TSHZ2: variants seen among roughly 807,000 people sequenced by gnomAD.
TSHZ2 encodes teashirt zinc finger homeobox 2.
A neutral mutation model predicts 74.4 loss-of-function variants in TSHZ2; 21 were observed. The ratio of observed to expected loss-of-function variants is 0.28; its 90% CI spans 0.20 to 0.41. The LOEUF (loss-of-function observed/expected upper bound fraction) is 0.41. Ranked by LOEUF, TSHZ2 falls within the 10% of genes least tolerant of loss-of-function variation. TSHZ2 has a pLI of 1.00. For missense variants in TSHZ2, 1,244 were observed against 1,293.5 expected (o/e 0.96, Z 0.59); for synonymous variants, 540 against 515.3 (o/e 1.05, Z -0.65).
intron 1 of TSHZ2, among the ~76,000 whole-genome samples, chr20:53,025,371 T>C (rs1382132299): frequency 1.3e-5 from 2 of 152,202 alleles, no homozygotes; most frequent in Non-Finnish European, 2.9e-5. Flanking sequence ...TTATGTTTAG[T>C]GACTTCATTT....
chr20:52,977,442 ACAC>A (rs1981386653), intron 1 of TSHZ2, among the ~76,000 whole-genome samples: 2 of 134,278 alleles, frequency 1.5e-5, no homozygotes, highest in Non-Finnish European at 3.1e-5. Context: ...ACACACACAC[ACAC>A]ACACACACAC....
intron 1 of TSHZ2, 101 bp downstream of exon 1, chr20:52,973,434 C>T: frequency 6.8e-7 from 1 of 1,463,196 alleles, no homozygotes; most frequent in East Asian, 2.5e-5. Flanking sequence ...CTTAAGCTTT[C>T]GGGGGAGTTT....
At chr20:53,185,529 C>CTTGAAAATTG in intron 1 of TSHZ2, 1 of 1,417,032 alleles carries the variant, frequency 7.1e-7, no homozygotes, top group East Asian at 2.6e-5. Flanking sequence ...CAGGAGAATT[C>CTTGAAAATTG]CTTGAACTGG....
At chr20:53,339,952 G>T (rs981612094) in intron 2 of TSHZ2, among the ~76,000 whole-genome samples, 1 of 152,270 alleles carries the variant, frequency 6.6e-6, no homozygotes, top group East Asian at 1.9e-4. Context: ...ATGTGTGTCT[G>T]CTCAGGCCCA....
chr20:53,084,532 G>C (rs990388207), intron 1 of TSHZ2, among the ~76,000 whole-genome samples: 4 of 152,076 alleles, frequency 2.6e-5, no homozygotes, highest in African/African-American at 7.2e-5. Flanking sequence ...TTATAGGTGG[G>C]AATTTTTGAG....
chr20:53,460,778 C>G (rs1396304157), intron 2 of TSHZ2, among the ~76,000 whole-genome samples: 1 of 152,156 alleles, frequency 6.6e-6, no homozygotes, highest in African/African-American at 2.4e-5. Flanking sequence ...ACAGGACCCT[C>G]AGCCACAGGT....
intron 1 of TSHZ2, among the ~76,000 whole-genome samples, chr20:53,105,710 A>G (rs1568761550): frequency 6.6e-6 from 1 of 152,090 alleles, no homozygotes; most frequent in East Asian, 1.9e-4. Flanking sequence ...GCAGTGGTGC[A>G]ATCACACCCC....
Position 53,255,637 on chromosome 20 carries a change from T to C in TSHZ2, c.2179T>C (p.Ser727Pro). Residue 727 changes from serine (S) to proline (P), a missense_variant, in exon 2 of 3, where the codon TCC (serine) becomes CCC (proline). Ser to Pro is a moderately conservative substitution (Grantham distance 74). Around this residue, in one of 6 missense-constraint regions of TSHZ2, gnomAD observed 562 missense variants for 544.0 expected, o/e 1.03. Coordinates refer to ENST00000371497, the MANE Select transcript of TSHZ2 (RefSeq NM_173485.6). This position sits in a 1 kb window ranked among gnomAD's most constrained non-coding sequence, Gnocchi z 4.1. ...CTCCAGCCCAAGTTCAAGCACAATT[T>C]CCATGTTCCACAAGTCGAATCTCAA... Reference protein sequence around the residue: ...SCSSPSSSTISMFHKSNLNVM... With the variant: ...SCSSPSSSTIPMFHKSNLNVM... The C allele has an allele frequency of 6.3e-7, 1 of 1,575,028 alleles. No individual in the cohort carries two copies. The highest frequency in any genetic ancestry group is 8.6e-7 in the Non-Finnish European group (1 of 1,161,690).
chr20:53,453,461 G>C (rs1167734040), intron 2 of TSHZ2, among the ~76,000 whole-genome samples: 1 of 152,088 alleles, frequency 6.6e-6, no homozygotes, highest in Non-Finnish European at 1.5e-5. Context: ...TCCTAGCTTG[G>C]GGTCCTTCAG....
chr20:53,051,608 T>C (rs374178502), intron 1 of TSHZ2, among the ~76,000 whole-genome samples: 11 of 152,214 alleles, frequency 7.2e-5, no homozygotes, highest in African/African-American at 2.4e-4. Context: ...CATAATATTT[T>C]CTGGAACATA....
intron 2 of TSHZ2, among the ~76,000 whole-genome samples, chr20:53,348,320 A>G (rs996173771): frequency 3.3e-5 from 5 of 152,258 alleles, no homozygotes; most frequent in Admixed American, 2.6e-4. Context: ...GTGTGGATAC[A>G]TGGTGCAACA....
At chr20:53,385,656 C>T (rs999838982) in intron 2 of TSHZ2, among the ~76,000 whole-genome samples, 24 of 152,114 alleles carry the variant, frequency 1.6e-4, no homozygotes, top group Admixed American at 1.3e-3. Context: ...CAGTTTTAAC[C>T]CAGGGTTCCC....
rs530247117 is a variant in TSHZ2, at chr20:53,403,145, C to T, written c.*9-83999C>T. Among the ~76,000 whole-genome samples the T allele has an allele frequency of 4.6e-5, 7 of 152,278 alleles. No individual in the cohort carries two copies. The South Asian group carries it at 1.5e-3, about 32-fold the overall frequency. The stretch of plus-strand genomic sequence containing the variant: ...AGTGTTTAGCTCCTAGTTATGAGAA[C>T]ATGTAGGATTTGGTTTTCCATTCCT... On this transcript the variant is annotated intron_variant, in intron 2 of 2. Coordinates refer to ENST00000371497, the MANE Select transcript of TSHZ2 (RefSeq NM_173485.6).
intron 1 of TSHZ2, among the ~76,000 whole-genome samples, chr20:53,086,414 CT>C (rs1985700444): frequency 6.6e-6 from 1 of 152,026 alleles, no homozygotes; most frequent in Non-Finnish European, 1.5e-5. Context: ...TGTGGGTAGC[CT>C]ACTTTCAGTC....
intron 1 of TSHZ2, among the ~76,000 whole-genome samples, chr20:53,176,235 C>T (rs1052442339): frequency 1.3e-5 from 2 of 152,196 alleles, no homozygotes; most frequent in Non-Finnish European, 2.9e-5. Context: ...CCGTTTTCCC[C>T]TCCTGTCTGT....
chr20:53,023,830 G>A (rs571218279), intron 1 of TSHZ2, among the ~76,000 whole-genome samples: 3 of 152,242 alleles, frequency 2.0e-5, no homozygotes, highest in South Asian at 4.1e-4. Context: ...TTATAAACAA[G>A]CAAATTGTCC....
chr20:53,399,914 T>G (rs1798210321), intron 2 of TSHZ2: 1 of 152,330 alleles, frequency 6.6e-6, no homozygotes, highest in African/African-American at 2.4e-5. Flanking sequence ...AGATTTATGA[T>G]GAAAAGATGA....
At chr20:53,078,612 T>A (rs912693217) in intron 1 of TSHZ2, among the ~76,000 whole-genome samples, 3 of 152,180 alleles carry the variant, frequency 2.0e-5, no homozygotes, top group Non-Finnish European at 4.4e-5. Context: ...TTGCTGGATG[T>A]ATTGGAGTAG....
At chr20:53,171,813 T>C (rs1186041470) in intron 1 of TSHZ2, among the ~76,000 whole-genome samples, 2 of 152,182 alleles carry the variant, frequency 1.3e-5, no homozygotes, top group Admixed American at 6.5e-5. Context: ...ATCATTATTA[T>C]TGTTTTTTCT....
Sources: gnomAD v4.1 joint callset for allele counts (sites outside exome capture counted in the v4.1 genomes callset) on GRCh38, gnomAD v4.1.1 for gene constraint, gnomAD v4.1.1 regional missense constraint, Gnocchi (gnomAD v3.1) non-coding constraint, MANE v1.5 for transcripts, NCBI Gene and HGNC (gene_info 2026-07-23, HGNC 2026-07-21) for gene names.